Variants in ELL observed in about 807,000 individuals in gnomAD.
The protein encoded by ELL is RNA polymerase II elongation factor ELL.
In ELL, 18 loss-of-function variants were observed where a neutral mutation model predicts 64.0. The ratio of observed to expected loss-of-function variants is 0.28; its 90% CI spans 0.19 to 0.42. ELL has a LOEUF of 0.42. Among genes scored for constraint, ELL ranks in the 10% least tolerant of loss-of-function variants. The probability of loss-of-function intolerance (pLI) is 1.00; values close to 1 mark genes in which losing one functional copy is unlikely to be tolerated. For synonymous variants in ELL, 399 were observed against 376.2 expected (o/e 1.06, Z -0.70); for missense variants, 797 against 870.4 (o/e 0.92, Z 1.06).
chr19:18,512,579 C>T (rs1444227154), intron 1 of ELL, among the ~76,000 whole-genome samples: 1 of 152,078 alleles, frequency 6.6e-6, no homozygotes, highest in Admixed American at 6.6e-5. Context: ...GCAGAGGTTG[C>T]AATGAGCCAA....
Position 18,501,089 on chromosome 19 carries a change from C to A in ELL, c.135+20832G>T, listed in dbSNP as rs1426102218. Among the ~76,000 whole-genome samples the A allele has an allele frequency of 6.6e-6, 1 of 152,060 alleles. No homozygotes were observed. Among genetic ancestry groups the A allele is most frequent in the Non-Finnish European group, 1.5e-5 (1 of 68,012 alleles). Reference sequence around the variant, plus strand: ...GTCCCATCCCAAGCATGTGGGCGCACACCCAGGAGAAGAACGAGCGGGCCA... The same window carrying A: ...GTCCCATCCCAAGCATGTGGGCGCAAACCCAGGAGAAGAACGAGCGGGCCA... On this transcript the variant is annotated intron_variant, in intron 1 of 11. Coordinates refer to ENST00000262809, the MANE Select transcript of ELL (RefSeq NM_006532.4). This position sits in a 1 kb window ranked among gnomAD's most constrained non-coding sequence, Gnocchi z 4.5.
intron 6 of ELL, among the ~76,000 whole-genome samples, chr19:18,453,299 A>T (rs1055612456): frequency 6.6e-6 from 1 of 152,242 alleles, no homozygotes; most frequent in African/African-American, 2.4e-5. Flanking sequence ...AATAAATAAA[A>T]AATGCCAGTT....
chr19:18,467,757 CCACA>C (rs969638817), intron 2 of ELL, among the ~76,000 whole-genome samples: 2 of 135,548 alleles, frequency 1.5e-5, no homozygotes, highest in Non-Finnish European at 3.2e-5. Context: ...CACAACCCCT[CCACA>C]CACAATCTCC....
At chr19:18,451,784 G>A (rs1974544205) in intron 6 of ELL, 136 bp from the exon 7 acceptor site, 1 of 651,082 alleles carries the variant, frequency 1.5e-6, no homozygotes, top group Non-Finnish European at 2.4e-6. Context: ...GCAGGGCCAA[G>A]GGGTCACAGG....
intron 1 of ELL, among the ~76,000 whole-genome samples, chr19:18,489,550 G>A (rs1975483706): frequency 6.6e-6 from 1 of 152,154 alleles, no homozygotes; most frequent in African/African-American, 2.4e-5. Context: ...TCCTCAGAGG[G>A]GAATCTTACC....
chr19:18,477,345 C>A (rs1035448132), intron 1 of ELL, among the ~76,000 whole-genome samples: 1 of 152,152 alleles, frequency 6.6e-6, no homozygotes, highest in Non-Finnish European at 1.5e-5. Context: ...AACACCACCT[C>A]GGTGACCTGC....
chr19:18,465,512 G>A lies in ELL; in HGVS notation c.369C>T (p.Thr123=), dbSNP rs373319453. The change falls in exon 4 of 12, where the codon ACC becomes ACT. Residue 123 remains threonine, a synonymous_variant. Coordinates refer to ENST00000262809, the MANE Select transcript of ELL (RefSeq NM_006532.4). ...SIQDKITVCA[T]DDSYQKARQS... is the part of the protein sequence containing the mutation. ...GCCGCGCCTTCTGGTAGGAGTCGTC[G>A]GTGGCACACACCGTGATCTTGTCCT... 1.1e-5 allele frequency: 17 copies of A among 1,612,768 alleles called. No individual in the cohort carries two copies. Among genetic ancestry groups the A allele is most frequent in the East Asian group, 6.7e-5 (3 of 44,844 alleles).
rs1028946700 is a variant in ELL, at chr19:18,482,526, C to T, written c.136-9644G>A. Among the ~76,000 whole-genome samples the T allele has an allele frequency of 9.9e-5, 15 of 151,694 alleles. 1 individual carries two copies. Among genetic ancestry groups the T allele is most frequent in the Admixed American group, 5.9e-4 (9 of 15,208 alleles). On this transcript the variant is annotated intron_variant, in intron 1 of 11. Coordinates refer to ENST00000262809, the MANE Select transcript of ELL (RefSeq NM_006532.4). ...TATTTTTTTGTATTTTTAGTCGAGACGGGTTTTCACCATGTTGGCCAGGCT... is the reference window on the plus strand; with the variant it reads ...TATTTTTTTGTATTTTTAGTCGAGATGGGTTTTCACCATGTTGGCCAGGCT...
At chr19:18,457,037 C>A (rs1462485889) in intron 6 of ELL, among the ~76,000 whole-genome samples, 2 of 152,030 alleles carry the variant, frequency 1.3e-5, no homozygotes, top group Non-Finnish European at 2.9e-5. Flanking sequence ...GGGACATCAA[C>A]CCTGCCCCCT....
intron 1 of ELL, among the ~76,000 whole-genome samples, chr19:18,517,334 T>C (rs112023940): frequency 0.014 from 2,174 of 152,224 alleles, 22 homozygotes; most frequent in African/African-American, 0.033. Context: ...CTCGGTTCAC[T>C]GCAACCTCCA....
chr19:18,511,751 G>T (rs1441161873), intron 1 of ELL, among the ~76,000 whole-genome samples: 1 of 152,118 alleles, frequency 6.6e-6, no homozygotes, highest in Non-Finnish European at 1.5e-5. Flanking sequence ...AGGCACAGTG[G>T]CTCAAGCTTG....
In ELL at chr19:18,478,627, T is replaced by C. The variant is rs183876982; in HGVS notation, c.136-5745A>G. Among the ~76,000 whole-genome samples the C allele has an allele frequency of 6.0e-4, 91 of 152,322 alleles. 1 individual carries two copies. The East Asian group carries it at 0.015, about 25-fold the overall frequency. On this transcript the variant is annotated intron_variant, in intron 1 of 11. Transcript: ENST00000262809. ...CCCAGGTGGGAGCTGGGGAGCCTGG[T>C]AGGGCCGCCACAGCTGGCCTGACAC...
intron 1 of ELL, among the ~76,000 whole-genome samples, chr19:18,476,423 C>T (rs1975177015): frequency 6.6e-6 from 1 of 152,156 alleles, no homozygotes; most frequent in Admixed American, 6.5e-5. Flanking sequence ...GCCAGGGCAG[C>T]CCCAGCTGTG....
chr19:18,477,518 C>A (rs1044902442), intron 1 of ELL, among the ~76,000 whole-genome samples: 3 of 152,232 alleles, frequency 2.0e-5, no homozygotes, highest in Non-Finnish European at 2.9e-5. Context: ...CAGGTCGTGG[C>A]GCATCATGAG....
At chr19:18,467,069 G>T (rs550611403) in intron 2 of ELL, among the ~76,000 whole-genome samples, 1 of 152,340 alleles carries the variant, frequency 6.6e-6, no homozygotes, top group South Asian at 2.1e-4. Context: ...CCTTGACTGG[G>T]ACTTGTCCCC....
At chr19:18,455,841 G>C (rs1477390688) in intron 6 of ELL, among the ~76,000 whole-genome samples, 2 of 152,208 alleles carry the variant, frequency 1.3e-5, no homozygotes, top group East Asian at 1.9e-4. Flanking sequence ...GCTCACGCCT[G>C]TAATCCCAGC....
chr19:18,462,635 G>A (rs1174586261), intron 4 of ELL, among the ~76,000 whole-genome samples: 5 of 152,104 alleles, frequency 3.3e-5, no homozygotes, highest in African/African-American at 1.2e-4. Context: ...TCCCACCTCA[G>A]CTTTCCAAAG....
Position 18,450,740 on chromosome 19 carries a change from C to T in ELL, c.1202G>A (p.Ser401Asn). 1.3e-6 allele frequency: 2 copies of T among 1,583,780 alleles called. No individual in the cohort carries two copies. The highest frequency in any genetic ancestry group is 1.7e-6 in the Non-Finnish European group (2 of 1,165,242). Residue 401 changes from serine to asparagine, a missense_variant, in exon 8 of 12, where the codon AGC (serine) becomes AAC (asparagine). Coordinates refer to ENST00000262809, the MANE Select transcript of ELL (RefSeq NM_006532.4). ...TCGGCCGCTGTGGCCCAGGTCATTG[C>T]TGACATCGGCCAGGGGGTCGTGGGC... ...PRAHDPLADVSNDLGHSGRDC... is the reference protein window; with the variant it reads ...PRAHDPLADVNNDLGHSGRDC...
intron 1 of ELL, among the ~76,000 whole-genome samples, chr19:18,509,598 T>TGCGCGCGCGCGCGCGC (rs1975968339): frequency 1.2e-5 from 1 of 81,856 alleles, no homozygotes; most frequent in African/African-American, 6.8e-5. Flanking sequence ...CGCGCGCACA[T>TGCGCGCGCGCGCGCGC]ACACACACAC....
Sources: allele counts gnomAD v4.1 joint callset (sites outside exome capture counted in the v4.1 genomes callset), GRCh38; gene constraint gnomAD v4.1.1; non-coding constraint Gnocchi (gnomAD v3.1); transcripts MANE v1.5; gene names NCBI Gene and HGNC (gene_info 2026-07-23, HGNC 2026-07-21).